GOLM1: variants seen among roughly 807,000 people sequenced by gnomAD.
GOLM1 encodes the protein golgi membrane protein 1.
In GOLM1, 31 loss-of-function variants were observed where a neutral mutation model predicts 50.5. The ratio of observed to expected loss-of-function variants is 0.61; its 90% CI spans 0.46 to 0.83. GOLM1 has a LOEUF of 0.83. Ranked by LOEUF, GOLM1 falls within the 40% of genes least tolerant of loss-of-function variation. The pLI is 0.00. For missense variants in GOLM1, 491 were observed against 501.3 expected (o/e 0.98, Z 0.20); for synonymous variants, 178 against 192.8 (o/e 0.92, Z 0.64).
chr9:86,028,152 TA>T (rs1832844655), intron 9 of GOLM1, among the ~76,000 whole-genome samples: 1 of 152,132 alleles, frequency 6.6e-6, no homozygotes, highest in South Asian at 2.1e-4. Context: ...CCCATGGACC[TA>T]ATGAGAACAA....
At chr9:86,084,083 A>C (rs1834875815) in intron 1 of GOLM1, among the ~76,000 whole-genome samples, 1 of 152,192 alleles carries the variant, frequency 6.6e-6, no homozygotes, top group African/African-American at 2.4e-5. Context: ...AGCTGGCCTC[A>C]AGGAGCTTGA....
At chr9:86,056,664 C>A (rs1324249073) in intron 3 of GOLM1, among the ~76,000 whole-genome samples, 1 of 151,984 alleles carries the variant, frequency 6.6e-6, no homozygotes, top group East Asian at 1.9e-4. Context: ...CGCCACCACG[C>A]CTGGCTAATT....
chr9:86,045,719 C>T (rs1833517515), intron 5 of GOLM1, among the ~76,000 whole-genome samples: 1 of 149,258 alleles, frequency 6.7e-6, no homozygotes, highest in Admixed American at 6.7e-5. Context: ...CACACACGTA[C>T]ATAACGCAAG....
intron 3 of GOLM1, among the ~76,000 whole-genome samples, chr9:86,053,576 ACAC>A (rs1246685156): frequency 7.1e-4 from 1 of 1,410 alleles, no homozygotes; most frequent in Non-Finnish European, 1.9e-3. Flanking sequence ...CACATCACAC[ACAC>A]CACACACCAC....
chr9:86,065,908 C>A (rs1247724416), intron 3 of GOLM1, among the ~76,000 whole-genome samples: 1 of 152,036 alleles, frequency 6.6e-6, no homozygotes, highest in Non-Finnish European at 1.5e-5. Context: ...GGCGTGGTGG[C>A]ACCTGCCTGT....
chr9:86,050,731 G>T (rs1390590310), intron 4 of GOLM1, among the ~76,000 whole-genome samples: 1 of 152,038 alleles, frequency 6.6e-6, no homozygotes, highest in Non-Finnish European at 1.5e-5. Context: ...ATTTTTTACT[G>T]CATGTATTTG....
intron 5 of GOLM1, among the ~76,000 whole-genome samples, chr9:86,045,346 G>A (rs975071954): frequency 6.6e-6 from 1 of 150,730 alleles, no homozygotes; most frequent in African/African-American, 2.4e-5. Flanking sequence ...GCAAGACTCT[G>A]TTTCAAAAAA....
At chr9:86,067,193 G>A (rs539563366) in intron 3 of GOLM1, among the ~76,000 whole-genome samples, 10 of 152,146 alleles carry the variant, frequency 6.6e-5, no homozygotes, top group Non-Finnish European at 1.5e-4. Flanking sequence ...CCAAAGTGCT[G>A]GGATTACAGG....
intron 3 of GOLM1, among the ~76,000 whole-genome samples, chr9:86,073,692 A>AC (rs1834522924): frequency 6.6e-6 from 1 of 152,226 alleles, no homozygotes. Flanking sequence ...CCTATGACTC[A>AC]GAGGCCCAAA....
At chr9:86,095,075 A>AC (rs1491373240) in intron 1 of GOLM1, among the ~76,000 whole-genome samples, 2 of 18,680 alleles carry the variant, frequency 1.1e-4, no homozygotes. Context: ...AACCCCGTCT[A>AC]AAAAAAAAAA....
At chr9:86,072,137 G>C (rs1834466733) in intron 3 of GOLM1, among the ~76,000 whole-genome samples, 1 of 152,132 alleles carries the variant, frequency 6.6e-6, no homozygotes, top group African/African-American at 2.4e-5. Flanking sequence ...TATAGTAATA[G>C]TTCAGAAATA....
At chr9:86,073,706 G>A (rs896206133) in intron 3 of GOLM1, among the ~76,000 whole-genome samples, 3 of 152,098 alleles carry the variant, frequency 2.0e-5, no homozygotes, top group Admixed American at 6.6e-5. Context: ...GCCCAAACAA[G>A]GTTTTCCCCA....
Position 86,036,393 on chromosome 9 carries a change from G to T in GOLM1, c.712C>A (p.Pro238Thr). Residue 238 changes from proline (P) to threonine (T), a missense_variant, in exon 7 of 10, where the codon CCC becomes ACC. Coordinates refer to ENST00000388712, the MANE Select transcript of GOLM1 (RefSeq NM_016548.4). ...GAATCCAAAACCACTTCGGAACTGG[G>T]GGCTGGTGTCTGGGACTTGCTGTTA... The part of the protein sequence containing the change: ...LGNSKSQTPA[P>T]SSEVVLDSKR... 6.2e-7 allele frequency: 1 copy of T among 1,614,134 alleles called. No homozygotes were observed. Among genetic ancestry groups the T allele is most frequent in the Admixed American group, 1.7e-5 (1 of 60,020 alleles).
Position 86,026,253 on chromosome 9 carries a change from AAGG to A in GOLM1, c.*1561_*1563del, listed in dbSNP as rs1347994949. On this transcript the variant is annotated 3_prime_UTR_variant, in exon 10 of 10. Coordinates refer to ENST00000388712, the MANE Select transcript of GOLM1 (RefSeq NM_016548.4). The stretch of plus-strand genomic sequence containing the variant: ...GCAAGAGAAAATTCCTATCAACCCC[AAGG>A]AGGACTCAAAGTGAGGCTGGAAGAG... 4.1e-6 allele frequency: 4 copies of A among 984,806 alleles called. No homozygotes were observed. The highest frequency in any genetic ancestry group is 4.8e-6 in the Non-Finnish European group (4 of 829,528). 61.0% of individuals were successfully genotyped at this position (984,806 alleles called of 1,614,324 possible). A position where few individuals can be genotyped will look rare whatever the true frequency, so the allele number is the denominator to read the frequency against.
chr9:86,095,444 C>T (rs561758644), intron 1 of GOLM1, among the ~76,000 whole-genome samples: 1 of 149,806 alleles, frequency 6.7e-6, no homozygotes, highest in Non-Finnish European at 1.5e-5. Context: ...GATGGGGTTT[C>T]ACCATGTTGG....
chr9:86,063,781 A>C (rs1362499969), intron 3 of GOLM1, among the ~76,000 whole-genome samples: 1 of 152,226 alleles, frequency 6.6e-6, no homozygotes, highest in East Asian at 1.9e-4. Context: ...TACGCCTTCT[A>C]TGGCAATCAA....
At chr9:86,051,590 A>T (rs532307628) in intron 4 of GOLM1, among the ~76,000 whole-genome samples, 2 of 152,332 alleles carry the variant, frequency 1.3e-5, no homozygotes, top group East Asian at 3.9e-4. Context: ...ATGGCAGACC[A>T]GAGGCTGCCT....
chr9:86,089,912 G>C (rs1835119726), intron 1 of GOLM1, among the ~76,000 whole-genome samples: 1 of 152,250 alleles, frequency 6.6e-6, no homozygotes, highest in South Asian at 2.1e-4. Flanking sequence ...TTTGGTCTTT[G>C]ATATTGGTGA....
chr9:86,082,563 C>T (rs531895120), intron 1 of GOLM1, among the ~76,000 whole-genome samples: 27 of 152,204 alleles, frequency 1.8e-4, no homozygotes, highest in African/African-American at 6.0e-4. Flanking sequence ...ACTTCAGCTT[C>T]CCAAGTAGCT....
Sources: gnomAD v4.1 joint callset for allele counts (sites outside exome capture counted in the v4.1 genomes callset) on GRCh38, gnomAD v4.1.1 for gene constraint, MANE v1.5 for transcripts, NCBI Gene and HGNC (gene_info 2026-07-23, HGNC 2026-07-21) for gene names.